ATAD1: variants seen among roughly 807,000 people sequenced by gnomAD.
ATAD1 encodes the protein ATPase family AAA domain containing 1.
A neutral mutation model predicts 42.7 loss-of-function variants in ATAD1; 18 were observed. The observed-to-expected ratio is 0.42, with a 90% CI of 0.29 to 0.63. ATAD1 has a LOEUF of 0.63. Among genes scored for constraint, ATAD1 ranks in the 20% least tolerant of loss-of-function variants. ATAD1 has a pLI of 0.19. For missense variants in ATAD1, 294 were observed against 440.4 expected (o/e 0.67, Z 2.98); for synonymous variants, 132 against 143.1 (o/e 0.92, Z 0.55).
At chr10:87,795,087 A>C (rs1271436381) in intron 2 of ATAD1, among the ~76,000 whole-genome samples, 2 of 152,196 alleles carry the variant, frequency 1.3e-5, no homozygotes, top group Non-Finnish European at 2.9e-5. Flanking sequence ...TTAGATGAGG[A>C]ATTTACAGGT....
In ATAD1 at chr10:87,753,417, T is replaced by C. The variant is rs1854093953; in HGVS notation, c.*1270A>G. 1 of 152,202 alleles carries C rather than the reference T, an allele frequency of 6.6e-6. No individual in the cohort carries two copies. Among genetic ancestry groups the C allele is most frequent in the Admixed American group, 6.5e-5 (1 of 15,276 alleles). 9.4% of individuals were successfully genotyped at this position (152,202 alleles called of 1,614,324 possible). ...GAAATACAGTAAAAGCAAAAACATA[T>C]GAAGCATAATTTAATCTGATGATTC... On this transcript the variant is annotated 3_prime_UTR_variant, in exon 10 of 10. Transcript: ENST00000680024.
At chr10:87,763,624 G>A (rs1854599434) in intron 8 of ATAD1, among the ~76,000 whole-genome samples, 1 of 152,068 alleles carries the variant, frequency 6.6e-6, no homozygotes, top group South Asian at 2.1e-4. Flanking sequence ...AGTGCACTAT[G>A]ATCATATCAC....
At chr10:87,758,062 T>A (rs935922029) in intron 8 of ATAD1, among the ~76,000 whole-genome samples, 3 of 152,212 alleles carry the variant, frequency 2.0e-5, no homozygotes, top group Non-Finnish European at 4.4e-5. Context: ...ACTTTAGCTA[T>A]ATAAATAGTA....
chr10:87,770,493 C>G (rs1006676290), intron 7 of ATAD1, among the ~76,000 whole-genome samples: 3 of 152,186 alleles, frequency 2.0e-5, no homozygotes, highest in Non-Finnish European at 2.9e-5. Flanking sequence ...ATGATATCTA[C>G]TGGAATCATT....
chr10:87,813,220 T>G (rs1451565768), intron 2 of ATAD1, among the ~76,000 whole-genome samples: 1 of 152,156 alleles, frequency 6.6e-6, no homozygotes, highest in Non-Finnish European at 1.5e-5. Context: ...GTCACACCTC[T>G]GCTTTTTAAA....
intron 5 of ATAD1, among the ~76,000 whole-genome samples, chr10:87,783,257 G>A (rs1855656142): frequency 6.6e-6 from 1 of 152,006 alleles, no homozygotes; most frequent in Non-Finnish European, 1.5e-5. Flanking sequence ...TGTGGTCCCA[G>A]CTACTCAGGA....
chr10:87,792,988 A>G (rs1488099216), intron 2 of ATAD1, among the ~76,000 whole-genome samples: 1 of 152,116 alleles, frequency 6.6e-6, no homozygotes, highest in African/African-American at 2.4e-5. Flanking sequence ...GAAATGAGAA[A>G]ATAGGGTATG....
At chr10:87,801,713 T>C (rs1282893787) in intron 2 of ATAD1, among the ~76,000 whole-genome samples, 1 of 152,236 alleles carries the variant, frequency 6.6e-6, no homozygotes, top group Non-Finnish European at 1.5e-5. Flanking sequence ...CCATGGACAA[T>C]TGTTACCTTC....
chr10:87,799,782 TA>T (rs1254481930), intron 2 of ATAD1, among the ~76,000 whole-genome samples: 5 of 135,140 alleles, frequency 3.7e-5, no homozygotes, highest in Admixed American at 1.5e-4. Flanking sequence ...TGTAGAAAAA[TA>T]TTTTTTTTTT....
chr10:87,776,435 T>C lies in ATAD1; in HGVS notation c.584-8A>G, dbSNP rs759834439. ...GGTTTCGTAGAAAGGAGTCTAGAAG[T>C]AAAAGGTCCTTAACCTTAGAAATTA... On this transcript the variant is annotated splice_polypyrimidine_tract_variant and splice_region_variant and intron_variant, in intron 5 of 9. Coordinates refer to ENST00000680024, the MANE Select transcript of ATAD1 (RefSeq NM_001321967.2). The C allele has an allele frequency of 6.3e-7, 1 of 1,592,402 alleles. No homozygotes were observed. Among genetic ancestry groups the C allele is most frequent in the Non-Finnish European group, 8.6e-7 (1 of 1,161,004 alleles).
At chr10:87,776,484 T>G (rs191326543) in intron 5 of ATAD1, 57 bp from the exon 6 acceptor site, 1 of 1,423,672 alleles carries the variant, frequency 7.0e-7, no homozygotes, top group Non-Finnish European at 9.9e-7. Context: ...TACCCTTTTT[T>G]TTGAGACAGG....
intron 8 of ATAD1, among the ~76,000 whole-genome samples, chr10:87,762,425 A>C (rs1267183816): frequency 6.6e-6 from 1 of 151,904 alleles, no homozygotes; most frequent in African/African-American, 2.4e-5. Context: ...TCACTGTTAA[A>C]GGTTTACCAA....
chr10:87,807,208 C>A (rs1281847659), intron 2 of ATAD1, among the ~76,000 whole-genome samples: 1 of 152,080 alleles, frequency 6.6e-6, no homozygotes, highest in East Asian at 1.9e-4. Context: ...TGTGCATATA[C>A]CAACATTTAT....
At chr10:87,805,943 T>C (rs12781171) in intron 2 of ATAD1, among the ~76,000 whole-genome samples, 44,839 of 151,870 alleles carry the variant, frequency 0.3, 6,841 homozygotes, top group Non-Finnish European at 0.31. Flanking sequence ...TTGACCATTC[T>C]ATAACACGTT....
rs139833255 is a variant in ATAD1 at position 87,783,328 on chromosome 10, C to A, written c.583+1142G>T. On this transcript the variant is annotated intron_variant, in intron 5 of 9. Transcript: ENST00000680024. Reference sequence around the variant, plus strand: ...TTGAGGCTGCAGTGAGCCATGATCACGCCACTGCATTCCAGCCTGGGTAAC... The same window carrying A: ...TTGAGGCTGCAGTGAGCCATGATCAAGCCACTGCATTCCAGCCTGGGTAAC... Among the ~76,000 whole-genome samples the A allele has an allele frequency of 1.0e-3, 155 of 151,596 alleles. 1 individual carries two copies. Among genetic ancestry groups the A allele is most frequent in the African/African-American group, 3.4e-3 (139 of 41,304 alleles).
intron 9 of ATAD1, among the ~76,000 whole-genome samples, chr10:87,755,483 G>T (rs939331375): frequency 1.2e-4 from 18 of 152,206 alleles, no homozygotes; most frequent in African/African-American, 4.3e-4. Flanking sequence ...AAACTAGCCA[G>T]ACTTTTCATA....
chr10:87,769,780 T>A (rs1179390012), intron 7 of ATAD1, among the ~76,000 whole-genome samples: 2 of 152,072 alleles, frequency 1.3e-5, no homozygotes, highest in Non-Finnish European at 2.9e-5. Context: ...ACCCCGTCTC[T>A]ACTAATAATA....
intron 1 of ATAD1, among the ~76,000 whole-genome samples, chr10:87,831,775 A>AG (rs1273860882): frequency 1.3e-5 from 2 of 152,250 alleles, no homozygotes; most frequent in African/African-American, 4.8e-5. Flanking sequence ...GTGACTGACA[A>AG]GTGGTTAAGA....
intron 7 of ATAD1, 37 bp from the exon 8 acceptor site, chr10:87,767,760 T>C (rs1296316734): frequency 1.3e-6 from 2 of 1,561,170 alleles, no homozygotes; most frequent in Non-Finnish European, 1.7e-6. Context: ...CATTTTTATT[T>C]TTTATTTTTT....
Sources: allele counts gnomAD v4.1 joint callset (sites outside exome capture counted in the v4.1 genomes callset), GRCh38; gene constraint gnomAD v4.1.1; transcripts MANE v1.5; gene names NCBI Gene and HGNC (gene_info 2026-07-23, HGNC 2026-07-21).